HDGFL3: variants seen among roughly 807,000 people sequenced by gnomAD.
HDGFL3 encodes HDGF like 3.
Under a neutral mutation model 27.6 loss-of-function variants are expected in HDGFL3, and 6 were observed. The ratio of observed to expected loss-of-function variants is 0.22; its 90% confidence interval spans 0.12 to 0.43. The LOEUF (loss-of-function observed/expected upper bound fraction) is 0.43, where lower values mean the gene tolerates loss of function less well. Ranked by LOEUF, HDGFL3 falls within the 20% of genes least tolerant of loss-of-function variation. The pLI, the probability that HDGFL3 is intolerant of heterozygous loss-of-function variation, is 1.00. For missense variants in HDGFL3, 207 were observed against 250.1 expected, an observed-to-expected ratio of 0.83 and a Z score of 1.16; for synonymous variants, 88 against 88.9, an observed-to-expected ratio of 0.99 and a Z score of 0.05.
chr15:83,116,207 C>T (rs8037783), intron 3 of HDGFL3, among the ~76,000 whole-genome samples: 57,629 of 152,088 alleles, frequency 0.38, 12,971 homozygotes, highest in African/African-American at 0.64. Context: ...TCCCCTTTAT[C>T]TGTATTTAAT....
rs1339589689 is a variant in HDGFL3, at chr15:83,132,087, C to T, written c.*7183G>A. Reference sequence around the variant, plus strand: ...CTTTACCTCTCTGATCCTCAGTTTCCTCTTCTGTAAAGTGAGGATAATAAC... The same window carrying T: ...CTTTACCTCTCTGATCCTCAGTTTCTTCTTCTGTAAAGTGAGGATAATAAC... On this transcript the variant is annotated 3_prime_UTR_variant, in exon 6 of 6. Coordinates refer to ENST00000299633, the MANE Select transcript of HDGFL3 (RefSeq NM_016073.4). 1 of 152,220 alleles carries T rather than the reference C, an allele frequency of 6.6e-6. No individual in the cohort carries two copies. Among genetic ancestry groups the T allele is most frequent in the Non-Finnish European group, 1.5e-5 (1 of 68,050 alleles). The allele number at this position is 152,220 out of a possible 1,614,324, so 9.4% of individuals were successfully genotyped here. A position where few individuals can be genotyped will look rare whatever the true frequency, so the allele number is the denominator to read the frequency against.
At chr15:83,198,795 T>C (rs114034376) in intron 1 of HDGFL3, among the ~76,000 whole-genome samples, 1,943 of 152,194 alleles carry the variant, frequency 0.013, 50 homozygotes, top group African/African-American at 0.046. Context: ...TAATCTAGTC[T>C]CCAGAGAGGG....
intron 1 of HDGFL3, among the ~76,000 whole-genome samples, chr15:83,187,133 A>G (rs972671451): frequency 2.0e-5 from 3 of 150,362 alleles, no homozygotes; most frequent in African/African-American, 7.5e-5. Context: ...GCTGTATGTC[A>G]CAGAAGCTAC....
chr15:83,142,655 A>G (rs1456866808), intron 5 of HDGFL3, among the ~76,000 whole-genome samples: 3 of 152,166 alleles, frequency 2.0e-5, no homozygotes, highest in Non-Finnish European at 4.4e-5. Context: ...TACTCCCTGA[A>G]GTTTAAAAAA....
intron 1 of HDGFL3, among the ~76,000 whole-genome samples, chr15:83,176,589 T>G (rs1230670161): frequency 6.6e-6 from 1 of 152,174 alleles, no homozygotes; most frequent in Admixed American, 6.5e-5. Flanking sequence ...TCCCTGGACC[T>G]TCACCATTAG....
Position 83,157,505 on chromosome 15 carries a change from C to T in HDGFL3, c.369G>A (p.Glu123=). The T allele has an allele frequency of 6.2e-7, 1 of 1,613,608 alleles. No individual in the cohort carries two copies. Among genetic ancestry groups the T allele is most frequent in the Non-Finnish European group, 8.5e-7 (1 of 1,179,530 alleles). The change falls in exon 4 of 6, where the codon GAG becomes GAA. Residue 123 remains glutamate (E), a synonymous_variant. Transcript: ENST00000299633. ...EGGNTADASS[E]EEGDRVEEDG... ...CTTCTTCTACTCTATCACCTTCTTC[C>T]TCACTGCTTGCATCTGCAGTATTTC...
chr15:83,199,315 T>C (rs2037609044), intron 1 of HDGFL3, among the ~76,000 whole-genome samples: 1 of 152,178 alleles, frequency 6.6e-6, no homozygotes, highest in African/African-American at 2.4e-5. Flanking sequence ...AATAATAAAG[T>C]ACTACTTCAG....
intron 1 of HDGFL3, among the ~76,000 whole-genome samples, chr15:83,182,135 T>C (rs2037388801): frequency 6.6e-6 from 1 of 152,238 alleles, no homozygotes; most frequent in African/African-American, 2.4e-5. Flanking sequence ...TTTATGGCTT[T>C]TTATGGCTAG....
At chr15:83,139,994 A>C (rs971601244) in intron 5 of HDGFL3, among the ~76,000 whole-genome samples, 2 of 151,940 alleles carry the variant, frequency 1.3e-5, no homozygotes, top group African/African-American at 4.8e-5. Context: ...AATATATTAA[A>C]CCCCCTAGTA....
At chr15:83,170,284 A>G (rs903028302) in intron 1 of HDGFL3, among the ~76,000 whole-genome samples, 7 of 152,222 alleles carry the variant, frequency 4.6e-5, no homozygotes, top group African/African-American at 1.7e-4. Flanking sequence ...AAAAAGAACA[A>G]AGCCACGGGC....
rs150827850 is a variant in HDGFL3, at chr15:83,121,993, A to G, written c.394-6252T>C. On this transcript the variant is annotated intron_variant, in intron 3 of 3. Coordinates refer to the HDGFL3 transcript ENST00000568294. ...TGAGTGTTGTTGTTTTTGTGCCAGG[A>G]AACATTGTAGGTAAGAAACTTTATC... The G allele has an allele frequency of 7.4e-6, 12 of 1,610,774 alleles. No homozygotes were observed. The African/African-American group carries it at 8.0e-5, about 11-fold the overall frequency.
At chr15:83,178,862 C>A (rs538323329) in intron 1 of HDGFL3, among the ~76,000 whole-genome samples, 27 of 152,296 alleles carry the variant, frequency 1.8e-4, no homozygotes, top group Non-Finnish European at 3.2e-4. Flanking sequence ...TCACTGAGTT[C>A]ACAGTATTCA....
chr15:83,163,614 C>T (rs1241809889), intron 2 of HDGFL3, among the ~76,000 whole-genome samples: 1 of 152,012 alleles, frequency 6.6e-6, no homozygotes, highest in African/African-American at 2.4e-5. Context: ...GGTGAAAGAG[C>T]CAGAGAGAAC....
chr15:83,192,580 G>A (rs545402736), intron 1 of HDGFL3, among the ~76,000 whole-genome samples: 53 of 152,254 alleles, frequency 3.5e-4, no homozygotes, highest in African/African-American at 1.3e-3. Context: ...TTGGTTGTGG[G>A]AACATAAATG....
At position 83,174,490 on chromosome 15, in the gene HDGFL3, A is replaced by G. The variant is rs577258767; in HGVS notation, c.85-10415T>C. On this transcript the variant is annotated intron_variant, in intron 1 of 5. Transcript: ENST00000299633. ...AAACCTTGTATATGTTACATTGAGC[A>G]CCACCCTAAAAAAAAAAAAAACCTC... Among the ~76,000 whole-genome samples, 978 of 143,026 alleles carry G rather than the reference A, an allele frequency of 6.8e-3. 18 individuals carry two copies. Among genetic ancestry groups the G allele is most frequent in the African/African-American group, 0.025 (931 of 37,186 alleles). 93.8% of individuals were successfully genotyped at this position (143,026 alleles called of 152,430 possible). A position where few individuals can be genotyped will look rare whatever the true frequency, so the allele number is the denominator to read the frequency against.
chr15:83,173,040 A>C (rs2151411591), intron 1 of HDGFL3, among the ~76,000 whole-genome samples: 1 of 152,268 alleles, frequency 6.6e-6, no homozygotes, highest in East Asian at 1.9e-4. Context: ...TCAAGAGTCA[A>C]CTGTATTGTT....
chr15:83,152,521 T>G (rs926394285), intron 4 of HDGFL3, among the ~76,000 whole-genome samples: 4 of 152,034 alleles, frequency 2.6e-5, no homozygotes, highest in Non-Finnish European at 4.4e-5. Flanking sequence ...GCCAACATGG[T>G]GAAACCCTGT....
At chr15:83,119,023 G>A (rs1193688003) in intron 3 of HDGFL3, among the ~76,000 whole-genome samples, 2 of 152,114 alleles carry the variant, frequency 1.3e-5, no homozygotes, top group Non-Finnish European at 2.9e-5. Context: ...ACTCAATCCT[G>A]TCCATCCCAC....
intron 1 of HDGFL3, among the ~76,000 whole-genome samples, chr15:83,183,005 T>C (rs1472391848): frequency 6.6e-6 from 1 of 152,200 alleles, no homozygotes; most frequent in Non-Finnish European, 1.5e-5. Flanking sequence ...TTGAGTATTT[T>C]CAAAATAATA....
Sources: gnomAD v4.1 joint callset for allele counts (sites outside exome capture counted in the v4.1 genomes callset) on GRCh38, gnomAD v4.1.1 for gene constraint, MANE v1.5 for transcripts, NCBI Gene and HGNC (gene_info 2026-07-23, HGNC 2026-07-21) for gene names.